TMEM63C: variants seen among roughly 807,000 people sequenced by gnomAD.
TMEM63C encodes the protein osmosensitive cation channel TMEM63C.
A neutral mutation model predicts 99.2 loss-of-function variants in TMEM63C; 32 were observed. That is an observed-to-expected ratio of 0.32 (90% confidence interval 0.24 to 0.43). The LOEUF (loss-of-function observed/expected upper bound fraction) is 0.43, where lower values mean the gene tolerates loss of function less well. Among genes scored for constraint, TMEM63C ranks in the 20% least tolerant of loss-of-function variants. The probability of loss-of-function intolerance (pLI) is 1.00; values close to 1 mark genes in which losing one functional copy is unlikely to be tolerated. For synonymous variants in TMEM63C, 376 were observed against 397.9 expected (o/e 0.94, Z 0.66); for missense variants, 826 against 1,053.0 (o/e 0.78, Z 2.98).
chr14:77,248,619 A>G (rs1006770991), intron 19 of TMEM63C, 110 bp downstream of exon 19: 3 of 1,511,944 alleles, frequency 2.0e-6, no homozygotes, highest in Non-Finnish European at 1.8e-6. Context: ...GACGGTGTGG[A>G]TGGGTGTTGG....
intron 9 of TMEM63C, 39 bp from the exon 10 acceptor site, chr14:77,238,655 G>C (rs1566628550): frequency 1.3e-6 from 2 of 1,541,362 alleles, no homozygotes; most frequent in South Asian, 2.2e-5. Flanking sequence ...TCCTATGCAA[G>C]CACAGTCTTC....
Position 77,209,937 on chromosome 14 carries a change from C to T in TMEM63C, c.-76-3509C>T, listed in dbSNP as rs148371294. ...ATCTTCAGCCAACTCTCCACAGATTCGGGACCAGCTGGGGGTGGGGGCAGA... is the reference window on the plus strand; with the variant it reads ...ATCTTCAGCCAACTCTCCACAGATTTGGGACCAGCTGGGGGTGGGGGCAGA... On this transcript the variant is annotated intron_variant, in intron 1 of 23. Coordinates refer to ENST00000298351, the MANE Select transcript of TMEM63C (RefSeq NM_020431.4). 2.5e-3 allele frequency among the ~76,000 whole-genome samples: 385 copies of T among 151,790 alleles called. 1 individual carries two copies. The highest frequency in any genetic ancestry group is 8.6e-3 in the African/African-American group (356 of 41,342).
intron 1 of TMEM63C, among the ~76,000 whole-genome samples, chr14:77,191,377 T>C (rs1431794442): frequency 6.6e-6 from 1 of 152,130 alleles, no homozygotes; most frequent in African/African-American, 2.4e-5. Context: ...TAGCCTAAGG[T>C]GTGAGCTATC....
chr14:77,229,918 G>A (rs756210182), intron 6 of TMEM63C, among the ~76,000 whole-genome samples: 3 of 151,770 alleles, frequency 2.0e-5, no homozygotes, highest in Non-Finnish European at 2.9e-5. Flanking sequence ...TGTACAGCTC[G>A]GCCCGGCATG....
At chr14:77,192,001 A>C (rs1192515509) in intron 1 of TMEM63C, among the ~76,000 whole-genome samples, 1 of 152,154 alleles carries the variant, frequency 6.6e-6, no homozygotes, top group Admixed American at 6.5e-5. Flanking sequence ...TTAGGTGCAT[A>C]TGTATTTATA....
intron 13 of TMEM63C, among the ~76,000 whole-genome samples, chr14:77,241,084 G>A (rs1304274330): frequency 6.6e-6 from 1 of 151,900 alleles, no homozygotes; most frequent in Non-Finnish European, 1.5e-5. Context: ...CCAAGTAGCT[G>A]GGATTACAGG....
At chr14:77,194,557 T>TTCTTTTTTTCTTTCTTTCTG (rs1555346145) in intron 1 of TMEM63C, among the ~76,000 whole-genome samples, 1 of 118,570 alleles carries the variant, frequency 8.4e-6, no homozygotes, top group African/African-American at 3.4e-5. Flanking sequence ...TTCTTTCTCT[T>TTCTTTTTTTCTTTCTTTCTG]TCTTTCTTTC....
intron 1 of TMEM63C, among the ~76,000 whole-genome samples, chr14:77,205,482 GAAT>G (rs1169303688): frequency 6.6e-6 from 1 of 152,190 alleles, no homozygotes; most frequent in Non-Finnish European, 1.5e-5. Flanking sequence ...ACTCAGGAAA[GAAT>G]AAGTGAGAAC....
chr14:77,231,811 G>A (rs1888948726), intron 7 of TMEM63C, 81 bp downstream of exon 7: 1 of 1,456,986 alleles, frequency 6.9e-7, no homozygotes, highest in Non-Finnish European at 9.4e-7. Context: ...TGGGGTTGAG[G>A]GTCTAGACAT....
Position 77,231,517 on chromosome 14 carries a change from T to A in TMEM63C, c.351-71T>A, listed in dbSNP as rs995213949. ...GGGGTGATCATTTTCTGCCCTTCCC[T>A]CTACCTCCCCGCAACAAGTGGTGGC... On this transcript the variant is annotated intron_variant, in intron 6 of 23. Transcript: ENST00000298351. 40 of 1,510,914 alleles carry A rather than the reference T, an allele frequency of 2.6e-5. No homozygotes were observed. The African/African-American group carries it at 5.1e-4, about 19-fold the overall frequency. The allele number at this position is 1,510,914 out of a possible 1,614,324, so 93.6% of individuals were successfully genotyped here.
chr14:77,197,695 C>A (rs1888235090), intron 1 of TMEM63C, among the ~76,000 whole-genome samples: 1 of 152,234 alleles, frequency 6.6e-6, no homozygotes, highest in African/African-American at 2.4e-5. Context: ...TGCAGTCATC[C>A]AATTCCCTGG....
intron 1 of TMEM63C, among the ~76,000 whole-genome samples, chr14:77,195,901 C>T (rs1471127380): frequency 1.3e-5 from 2 of 152,234 alleles, no homozygotes; most frequent in Non-Finnish European, 2.9e-5. Flanking sequence ...GAGTACCCCT[C>T]ACCCCATCAC....
chr14:77,253,198 A>G, intron 22 of TMEM63C, 107 bp from the exon 23 acceptor site: 1 of 947,494 alleles, frequency 1.1e-6, no homozygotes, highest in African/African-American at 1.6e-5. Context: ...AGATGAGTTG[A>G]GTTCCAAGGT....
intron 6 of TMEM63C, among the ~76,000 whole-genome samples, chr14:77,226,445 A>G (rs1255636553): frequency 6.6e-6 from 1 of 152,242 alleles, no homozygotes; most frequent in Non-Finnish European, 1.5e-5. Flanking sequence ...GGTTGGAGAA[A>G]CAAAGGTGAA....
chr14:77,229,345 C>T (rs1009327371), intron 6 of TMEM63C, among the ~76,000 whole-genome samples: 1 of 152,004 alleles, frequency 6.6e-6, no homozygotes, highest in African/African-American at 2.4e-5. Flanking sequence ...TGCAGTGAGC[C>T]AAGATCATGT....
intron 16 of TMEM63C, 86 bp downstream of exon 16, chr14:77,244,541 C>T: frequency 9.6e-7 from 1 of 1,038,510 alleles, no homozygotes; most frequent in Non-Finnish European, 1.5e-6. Flanking sequence ...GGCACTTGGG[C>T]CTCCCCTCTA....
chr14:77,242,761 G>T, intron 14 of TMEM63C, 142 bp from the exon 15 acceptor site: 1 of 991,306 alleles, frequency 1.0e-6, no homozygotes, highest in Non-Finnish European at 1.5e-6. Flanking sequence ...GACGGTCCAG[G>T]GTCCTGTTGC....
At chr14:77,196,004 G>A (rs1888207977) in intron 1 of TMEM63C, 1 of 153,468 alleles carries the variant, frequency 6.5e-6, no homozygotes, top group South Asian at 2.1e-4. Flanking sequence ...GAGCTGCAAG[G>A]AGGCCAGGGA....
chr14:77,241,241 G>A (rs1257072905), intron 13 of TMEM63C, among the ~76,000 whole-genome samples: 1 of 152,140 alleles, frequency 6.6e-6, no homozygotes, highest in Non-Finnish European at 1.5e-5. Context: ...GTGAGCCACT[G>A]CGCCCAGCTG....
Sources: gnomAD v4.1 joint callset for allele counts (sites outside exome capture counted in the v4.1 genomes callset) on GRCh38, gnomAD v4.1.1 for gene constraint, MANE v1.5 for transcripts, NCBI Gene and HGNC (gene_info 2026-07-23, HGNC 2026-07-21) for gene names.